ME2: variants seen among roughly 807,000 people sequenced by gnomAD.
ME2 encodes malic enzyme 2.
ME2 carries 60 observed loss-of-function variants against 73.7 expected under a neutral mutation model. That is an observed-to-expected ratio of 0.81 (90% CI 0.66 to 1.01). The LOEUF (loss-of-function observed/expected upper bound fraction) is 1.01, where lower values mean the gene tolerates loss of function less well. ME2 is among the 50% of genes least tolerant of loss of function. The pLI, the probability that ME2 is intolerant of heterozygous loss-of-function variation, is 0.00. For synonymous variants in ME2, 199 were observed against 236.9 expected, an observed-to-expected ratio of 0.84 and a Z score of 1.47; for missense variants, 594 against 705.5, an observed-to-expected ratio of 0.84 and a Z score of 1.79.
At chr18:50,880,615 G>A (rs1237746618) in intron 1 of ME2, among the ~76,000 whole-genome samples, 1 of 152,130 alleles carries the variant, frequency 6.6e-6, no homozygotes, top group East Asian at 1.9e-4. Flanking sequence ...CGGGGGCTTC[G>A]CCGTATTGGC....
At chr18:50,939,460 G>T in intron 13 of ME2, 110 bp from the exon 14 acceptor site, 1 of 631,020 alleles carries the variant, frequency 1.6e-6, no homozygotes, top group South Asian at 2.1e-5. Flanking sequence ...TGTTTGGGGG[G>T]AGCTGTTTGC....
chr18:50,928,418 T>A (rs1019183283), intron 12 of ME2, among the ~76,000 whole-genome samples: 1 of 151,756 alleles, frequency 6.6e-6, no homozygotes, highest in African/African-American at 2.4e-5. Flanking sequence ...TTTTGTATTT[T>A]TAGTAGATAT....
chr18:50,921,877 C>A (rs1418440020), intron 10 of ME2, among the ~76,000 whole-genome samples: 1 of 152,168 alleles, frequency 6.6e-6, no homozygotes, highest in African/African-American at 2.4e-5. Context: ...TACCTTTGGG[C>A]CTGACTACCT....
At chr18:50,940,265 C>T in intron 14 of ME2, 23 bp from the exon 15 acceptor site, 1 of 1,548,684 alleles carries the variant, frequency 6.5e-7, no homozygotes, top group Non-Finnish European at 8.8e-7. Flanking sequence ...CAAACAAAAG[C>T]AAAATGCTGT....
chr18:50,936,381 C>T (rs1278358152), intron 13 of ME2, among the ~76,000 whole-genome samples: 1 of 152,014 alleles, frequency 6.6e-6, no homozygotes, highest in African/African-American at 2.4e-5. Flanking sequence ...AATTTTGTTC[C>T]TTAGGGAAAA....
chr18:50,941,349 G>GTT (rs1568176416), intron 15 of ME2, among the ~76,000 whole-genome samples: 8 of 105,312 alleles, frequency 7.6e-5, no homozygotes, highest in African/African-American at 2.2e-4. Context: ...ATTTGTGATG[G>GTT]TTTCTTTTTT....
intron 13 of ME2, chr18:50,932,985 G>A (rs1281364789): frequency 6.6e-6 from 1 of 152,106 alleles, no homozygotes; most frequent in Non-Finnish European, 1.5e-5. Flanking sequence ...CAGTATACTG[G>A]TATCACACCA....
intron 1 of ME2, among the ~76,000 whole-genome samples, chr18:50,882,754 G>T (rs1184889335): frequency 6.6e-6 from 1 of 152,128 alleles, no homozygotes; most frequent in Non-Finnish European, 1.5e-5. Flanking sequence ...TTCGAGACCA[G>T]CCTGCCCAAC....
chr18:50,903,150 A>T (rs1416519214), intron 2 of ME2, among the ~76,000 whole-genome samples: 1 of 152,148 alleles, frequency 6.6e-6, no homozygotes, highest in Non-Finnish European at 1.5e-5. Context: ...AGATGGAGAA[A>T]GTAGGAGAAG....
chr18:50,939,475 T>G, intron 13 of ME2, 95 bp from the exon 14 acceptor site: 1 of 775,202 alleles, frequency 1.3e-6, no homozygotes, highest in Non-Finnish European at 2.2e-6. Flanking sequence ...GTTTGCGATG[T>G]GGATGGATTA....
intron 1 of ME2, among the ~76,000 whole-genome samples, chr18:50,892,746 G>A (rs558126511): frequency 5.9e-5 from 9 of 152,030 alleles, no homozygotes; most frequent in East Asian, 5.8e-4. Flanking sequence ...TTAGACCTTC[G>A]TTGTAAATGG....
Position 50,916,156 on chromosome 18 carries a change from G to A in ME2, c.393-12G>A, listed in dbSNP as rs1279065646. The stretch of plus-strand genomic sequence containing the variant: ...TGTTGTGAAATGCAAAGGTGTTTTT[G>A]TTCTGTTGCAGGGGATTATTTATTT... On this transcript the variant is annotated splice_polypyrimidine_tract_variant and intron_variant, in intron 4 of 15. Transcript: ENST00000321341. 4 of 1,592,332 alleles carry A rather than the reference G, an allele frequency of 2.5e-6. No homozygotes were observed. Among genetic ancestry groups the A allele is most frequent in the East Asian group, 4.5e-5 (2 of 44,396 alleles).
At chr18:50,883,715 G>A (rs1391496561) in intron 1 of ME2, among the ~76,000 whole-genome samples, 1 of 152,084 alleles carries the variant, frequency 6.6e-6, no homozygotes, top group African/African-American at 2.4e-5. Flanking sequence ...ATACAAAAAA[G>A]TAAACGGGCA....
At chr18:50,935,054 C>T (rs1917784889) in intron 13 of ME2, 1 of 152,094 alleles carries the variant, frequency 6.6e-6, no homozygotes, top group Non-Finnish European at 1.5e-5. Context: ...AAGTGCTGTA[C>T]CTTGGATTGG....
intron 12 of ME2, among the ~76,000 whole-genome samples, chr18:50,926,702 T>C (rs1327715273): frequency 6.6e-6 from 1 of 152,340 alleles, no homozygotes; most frequent in East Asian, 1.9e-4. Flanking sequence ...CTCTCTTGCT[T>C]TCTGTGTTTC....
chr18:50,882,810 A>T (rs554241826), intron 1 of ME2, among the ~76,000 whole-genome samples: 3 of 152,110 alleles, frequency 2.0e-5, no homozygotes, highest in Admixed American at 2.0e-4. Context: ...TTTGCTGGGC[A>T]TGGTAGCACA....
rs748046454 is a variant in ME2, at chr18:50,908,070, C to A, written c.116C>A (p.Ala39Glu). The change falls in exon 3 of 16, where the codon GCA (alanine) becomes GAA (glutamate). Residue 39 changes from alanine (A) to glutamate (E), a missense_variant. Coordinates refer to ENST00000321341, the MANE Select transcript of ME2 (RefSeq NM_002396.5). ...MLNPRTNKGM[A>E]FTLQERQMLG... ...TTTATTTCTCCTCTTTAGGGAATGG[C>A]ATTTACTTTACAAGAACGACAAATG... The A allele has an allele frequency of 6.4e-7, 1 of 1,570,100 alleles. No homozygotes were observed. Among genetic ancestry groups the A allele is most frequent in the Non-Finnish European group, 8.6e-7 (1 of 1,158,844 alleles).
At chr18:50,897,187 T>C (rs752065360) in intron 2 of ME2, among the ~76,000 whole-genome samples, 1 of 152,250 alleles carries the variant, frequency 6.6e-6, no homozygotes, top group Non-Finnish European at 1.5e-5. Flanking sequence ...CCTGAGTTTA[T>C]ATCTTCTTGA....
Position 50,952,723 on chromosome 18 carries a change from C to T in ME2, c.*5539C>T, listed in dbSNP as rs1918248258. On this transcript the variant is annotated 3_prime_UTR_variant, in exon 16 of 16. Coordinates refer to ENST00000321341, the MANE Select transcript of ME2 (RefSeq NM_002396.5). ...TTCTAGAAAAGTAATTTTTCCTTTC[C>T]TAGTTTTAAGTATATATTCAAGCAA... 1 of 152,024 alleles carries T rather than the reference C, an allele frequency of 6.6e-6. No homozygotes were observed. Among genetic ancestry groups the T allele is most frequent in the African/African-American group, 2.4e-5 (1 of 41,372 alleles). The allele number at this position is 152,024 out of a possible 1,614,324, so 9.4% of individuals were successfully genotyped here.
Sources: allele counts gnomAD v4.1 joint callset (sites outside exome capture counted in the v4.1 genomes callset), GRCh38; gene constraint gnomAD v4.1.1; transcripts MANE v1.5; gene names NCBI Gene and HGNC (gene_info 2026-07-23, HGNC 2026-07-21).